TASP1: variants seen among roughly 807,000 people sequenced by gnomAD.
TASP1 encodes threonine aspartase 1.
A neutral mutation model predicts 56.6 loss-of-function variants in TASP1; 16 were observed. The ratio of observed to expected loss-of-function variants is 0.28; its 90% confidence interval spans 0.19 to 0.43. The LOEUF is 0.43. TASP1 is among the 20% of genes least tolerant of loss of function. TASP1 has a pLI of 1.00. For synonymous variants in TASP1, 179 were observed against 184.2 expected (o/e 0.97, Z 0.23); for missense variants, 393 against 511.6 (o/e 0.77, Z 2.24).
intron 10 of TASP1, among the ~76,000 whole-genome samples, chr20:13,487,885 C>A (rs4813131): frequency 0.35 from 53,872 of 151,828 alleles, 10,348 homozygotes; most frequent in Non-Finnish European, 0.43. Flanking sequence ...ATGTTTTTTG[C>A]AACAAGTCTT....
the TASP1 span, chr20:13,299,510 G>T: frequency 1.3e-6 from 2 of 1,527,844 alleles, no homozygotes; most frequent in African/African-American, 1.4e-5. The surrounding 1 kb of genome is among the most constrained non-coding windows in gnomAD (Gnocchi z 5.8). Context: ...GAGCACACAC[G>T]TGCTGCACTG....
chr20:13,134,712 G>A, the TASP1 span, among the ~76,000 whole-genome samples: 4 of 152,090 alleles, frequency 2.6e-5, no homozygotes, highest in Non-Finnish European at 5.9e-5. Flanking sequence ...GAGAAGTAAA[G>A]TGAACAGAGG....
chr20:13,623,466 C>T lies in TASP1; in HGVS notation c.262G>A (p.Ala88Thr). ...AGALATDAVT[A>T]ALVELEDSPF... ...AATACCTCAAGTTCCACCAGTGCTG[C>T]AGTGACTGCGTCAGTTGCAAGAGCA... The change falls in exon 4 of 14, where the codon GCA becomes ACA. Residue 88 changes from alanine (A) to threonine (T), a missense_variant. By Grantham distance (58) the Ala-to-Thr change is moderately conservative. Coordinates refer to ENST00000337743, the MANE Select transcript of TASP1 (RefSeq NM_017714.3). The T allele has an allele frequency of 1.2e-6, 2 of 1,609,112 alleles. No homozygotes were observed. Among genetic ancestry groups the T allele is most frequent in the Non-Finnish European group, 1.7e-6 (2 of 1,175,902 alleles).
intron 3 of TASP1, 126 bp downstream of exon 3, chr20:13,625,059 A>G: frequency 1.6e-6 from 1 of 618,148 alleles, no homozygotes; most frequent in Non-Finnish European, 2.6e-6. Context: ...AAAAACAAGC[A>G]AAATAATTTT....
the TASP1 span, among the ~76,000 whole-genome samples, chr20:13,372,685 A>C: frequency 6.6e-6 from 1 of 151,802 alleles, no homozygotes; most frequent in Non-Finnish European, 1.5e-5. Context: ...TATATGTCTC[A>C]TGTGTCTATT....
At chr20:13,321,253 T>TAAAAA in the TASP1 span, among the ~76,000 whole-genome samples, 207 of 57,510 alleles carry the variant, frequency 3.6e-3, 9 homozygotes, top group African/African-American at 0.013. Flanking sequence ...GTGCCCCACA[T>TAAAAA]AAAAAAAAAA....
chr20:13,624,295 A>G (rs1054327937), intron 3 of TASP1, among the ~76,000 whole-genome samples: 4 of 152,152 alleles, frequency 2.6e-5, no homozygotes, highest in Non-Finnish European at 5.9e-5. Flanking sequence ...CTATAGTTAT[A>G]TAAAATTTAT....
At chr20:13,439,008 T>C (rs1251221776) in intron 11 of TASP1, among the ~76,000 whole-genome samples, 1 of 152,130 alleles carries the variant, frequency 6.6e-6, no homozygotes, top group Admixed American at 6.6e-5. Context: ...AGGAAACGAC[T>C]GGTGCTGGAG....
the TASP1 span, among the ~76,000 whole-genome samples, chr20:13,360,715 T>C: frequency 6.6e-6 from 1 of 152,176 alleles, no homozygotes; most frequent in African/African-American, 2.4e-5. Flanking sequence ...ACCTGACGCA[T>C]ATACTTTCTG....
chr20:13,589,955 G>A (rs1238144828), intron 4 of TASP1, among the ~76,000 whole-genome samples: 2 of 152,150 alleles, frequency 1.3e-5, no homozygotes, highest in Non-Finnish European at 2.9e-5. Flanking sequence ...AATGTGGCCA[G>A]CCATGGTGGC....
At chr20:13,386,234 TG>T (rs2041161846), downstream of TASP1, among the ~76,000 whole-genome samples, 1 of 152,202 alleles carries the variant, frequency 6.6e-6, no homozygotes, top group Non-Finnish European at 1.5e-5. Context: ...GTCATCTTTT[TG>T]TGATATTATT....
chr20:13,504,069 G>A (rs752054515), intron 10 of TASP1, among the ~76,000 whole-genome samples: 22 of 151,840 alleles, frequency 1.4e-4, no homozygotes, highest in Non-Finnish European at 1.9e-4. Flanking sequence ...CTCAAATCTG[G>A]GGAGAGATAT....
chr20:13,305,679 T>G, the TASP1 span, among the ~76,000 whole-genome samples: 1 of 152,200 alleles, frequency 6.6e-6, no homozygotes, highest in African/African-American at 2.4e-5. Context: ...TTACAGCCAG[T>G]TGTTTTTCTG....
At chr20:13,620,265 TACACACACACACACACACACAC>T (rs757563847) in intron 4 of TASP1, among the ~76,000 whole-genome samples, 3 of 145,662 alleles carry the variant, frequency 2.1e-5, no homozygotes, top group Non-Finnish European at 3.0e-5. Context: ...CTGTGGTATT[TACACACACACACACACACACAC>T]ACACACACAC....
Position 13,429,873 on chromosome 20 carries a change from GC to G in TASP1, c.1096+5170del, listed in dbSNP as rs567197493. On this transcript the variant is annotated intron_variant, in intron 12 of 13. Coordinates refer to ENST00000337743, the MANE Select transcript of TASP1 (RefSeq NM_017714.3). ...CTCTCTAGGTCAGGTTCTCATTTTTGCCCTTTCTTCTTTCGGGAAGTCTTCT... is the reference window on the plus strand; with the variant it reads ...CTCTCTAGGTCAGGTTCTCATTTTTGCCTTTCTTCTTTCGGGAAGTCTTCT... Among the ~76,000 whole-genome samples the G allele has an allele frequency of 4.0e-3, 613 of 152,006 alleles. 1 individual carries two copies. The highest frequency in any genetic ancestry group is 7.1e-3 in the Admixed American group (109 of 15,268).
intron 4 of TASP1, among the ~76,000 whole-genome samples, chr20:13,601,736 C>T (rs1345607536): frequency 6.6e-6 from 1 of 152,050 alleles, no homozygotes; most frequent in East Asian, 1.9e-4. Flanking sequence ...AAACACTACA[C>T]TGTGTAAGGC....
the TASP1 span, among the ~76,000 whole-genome samples, chr20:13,258,882 C>G: frequency 6.6e-6 from 1 of 152,164 alleles, no homozygotes; most frequent in East Asian, 1.9e-4. Context: ...CTGGTTCCGG[C>G]TTGTCAGTGC....
chr20:13,230,392 T>C, the TASP1 span, among the ~76,000 whole-genome samples: 1 of 152,210 alleles, frequency 6.6e-6, no homozygotes, highest in Non-Finnish European at 1.5e-5. Context: ...ATAGTTCCTT[T>C]GTCGTCTCCA....
chr20:13,264,115 C>A, the TASP1 span, among the ~76,000 whole-genome samples: 2 of 152,128 alleles, frequency 1.3e-5, no homozygotes, highest in Admixed American at 6.5e-5. Flanking sequence ...TTATTTGTTG[C>A]CCCCTGAGCT....
Sources: gnomAD v4.1 joint callset for allele counts (sites outside exome capture counted in the v4.1 genomes callset) on GRCh38, gnomAD v4.1.1 for gene constraint, Gnocchi (gnomAD v3.1) non-coding constraint, MANE v1.5 for transcripts, NCBI Gene and HGNC (gene_info 2026-07-23, HGNC 2026-07-21) for gene names.